Variants in FGF14 observed in about 807,000 individuals in gnomAD.
The protein encoded by FGF14 is fibroblast growth factor homologous factor 4.
Under a neutral mutation model 25.5 loss-of-function variants are expected in FGF14, and 5 were observed. That is an observed-to-expected ratio of 0.20 (90% CI 0.10 to 0.41). FGF14 has a LOEUF of 0.41. Among genes scored for constraint, FGF14 ranks in the 10% least tolerant of loss-of-function variants. FGF14 has a pLI of 1.00. For synonymous variants in FGF14, 138 were observed against 118.3 expected (o/e 1.17, Z -1.08); for missense variants, 222 against 320.1 (o/e 0.69, Z 2.34).
chr13:102,375,900 A>C (rs1566971816), intron 1 of FGF14, among the ~76,000 whole-genome samples: 1 of 152,206 alleles, frequency 6.6e-6, no homozygotes, highest in Non-Finnish European at 1.5e-5. Context: ...CTTTGAATGT[A>C]TCTTCTTGAA....
intron 1 of FGF14, among the ~76,000 whole-genome samples, chr13:102,028,085 T>C (rs1305175132): frequency 6.6e-6 from 1 of 152,034 alleles, no homozygotes; most frequent in Non-Finnish European, 1.5e-5. Context: ...CTCTGCCAAC[T>C]GTCACTGTTA....
intron 1 of FGF14, among the ~76,000 whole-genome samples, chr13:102,161,664 GAAGAA>G: frequency 6.2e-5 from 2 of 32,488 alleles, no homozygotes; most frequent in African/African-American, 2.1e-4. Flanking sequence ...AGAAGAAGAA[GAAGAA>G]GAAGAAGAAG....
intron 3 of FGF14, among the ~76,000 whole-genome samples, chr13:101,794,484 G>C (rs960863862): frequency 1.3e-5 from 2 of 152,044 alleles, no homozygotes; most frequent in Non-Finnish European, 2.9e-5. Context: ...CCTTTTTCTA[G>C]GGCCAAATCG....
At chr13:102,341,618 T>C (rs896003463) in intron 1 of FGF14, among the ~76,000 whole-genome samples, 10 of 152,160 alleles carry the variant, frequency 6.6e-5, no homozygotes, top group African/African-American at 2.2e-4. Context: ...ATTTGTATGA[T>C]TGAGAAGGCG....
chr13:102,339,127 G>A (rs1161139406), intron 1 of FGF14, among the ~76,000 whole-genome samples: 1 of 151,886 alleles, frequency 6.6e-6, no homozygotes, highest in Non-Finnish European at 1.5e-5. Context: ...TTGAGGGTGT[G>A]AACACCCCGT....
chr13:101,885,702 A>G lies in FGF14; in HGVS notation c.194-10406T>C, dbSNP rs1485512524. On this transcript the variant is annotated intron_variant, in intron 1 of 4. Coordinates refer to ENST00000376143, the MANE Select transcript of FGF14 (RefSeq NM_004115.4). ...GTAACTGATGTGGCACAGGCCTCTG[A>G]AAAAAAAAAAAAAAACTGCAGGGTC... Among the ~76,000 whole-genome samples, 59 of 114,264 alleles carry G rather than the reference A, an allele frequency of 5.2e-4. 1 individual carries two copies. The highest frequency in any genetic ancestry group is 3.9e-4 in the Non-Finnish European group (24 of 61,560). The allele number at this position is 114,264 out of a possible 152,430, so 75.0% of individuals were successfully genotyped here.
intron 1 of FGF14, among the ~76,000 whole-genome samples, chr13:101,886,891 T>C (rs981270223): frequency 1.3e-5 from 2 of 152,084 alleles, no homozygotes; most frequent in African/African-American, 4.8e-5. Context: ...AAGATCTGAA[T>C]AGACATTCTT....
intron 1 of FGF14, among the ~76,000 whole-genome samples, chr13:102,064,195 TA>T (rs937304387): frequency 2.6e-5 from 4 of 152,108 alleles, no homozygotes; most frequent in Non-Finnish European, 5.9e-5. Context: ...CCACCAGGCA[TA>T]AAACTTGGAC....
chr13:102,118,021 A>T (rs35623277), intron 1 of FGF14, among the ~76,000 whole-genome samples: 3 of 152,150 alleles, frequency 2.0e-5, no homozygotes, highest in Non-Finnish European at 4.4e-5. Flanking sequence ...AATGAATATA[A>T]CTGTATGCCA....
chr13:101,952,579 G>A (rs1229696720), intron 1 of FGF14, among the ~76,000 whole-genome samples: 2 of 152,124 alleles, frequency 1.3e-5, no homozygotes, highest in East Asian at 3.9e-4. Flanking sequence ...GTAGTTAAGG[G>A]CATCACATCA....
At chr13:102,098,547 G>T (rs2044514183) in intron 1 of FGF14, among the ~76,000 whole-genome samples, 1 of 152,188 alleles carries the variant, frequency 6.6e-6, no homozygotes, top group African/African-American at 2.4e-5. Flanking sequence ...ATACAAATAA[G>T]TTGTGCATGA....
chr13:102,090,625 T>C (rs940677994), intron 1 of FGF14, among the ~76,000 whole-genome samples: 2 of 152,244 alleles, frequency 1.3e-5, no homozygotes, highest in Non-Finnish European at 1.5e-5. Context: ...AGGGCACAGA[T>C]GGCAGTGGTC....
chr13:101,874,703 A>G (rs2045300371), intron 2 of FGF14, among the ~76,000 whole-genome samples: 1 of 152,128 alleles, frequency 6.6e-6, no homozygotes, highest in South Asian at 2.1e-4. Context: ...TTTCTATAAG[A>G]AAGTTTTTTT....
At chr13:102,105,455 A>G (rs1237622117) in intron 1 of FGF14, among the ~76,000 whole-genome samples, 1 of 152,140 alleles carries the variant, frequency 6.6e-6, no homozygotes. Flanking sequence ...ATTTGAAAAA[A>G]TGGGGGAAAA....
At chr13:101,981,873 A>C (rs1355379079) in intron 1 of FGF14, among the ~76,000 whole-genome samples, 1 of 152,222 alleles carries the variant, frequency 6.6e-6, no homozygotes, top group African/African-American at 2.4e-5. Context: ...AAGGATGAAC[A>C]GCAAGAGAGA....
chr13:101,746,667 A>G (rs761634312), intron 3 of FGF14, among the ~76,000 whole-genome samples: 2 of 152,020 alleles, frequency 1.3e-5, no homozygotes, highest in Admixed American at 6.6e-5. Context: ...GTGATGATCA[A>G]CAGTAGGTAG....
At position 101,791,276 on chromosome 13, in the gene FGF14, A is replaced by G. The variant is rs2040218540; in HGVS notation, c.409-64466T>C. On this transcript the variant is annotated intron_variant, in intron 3 of 4. Transcript: ENST00000376143. Reference sequence around the variant, plus strand: ...TAAGGTGCTGTAACCGGCATGAAATATAGGCGGCATGAATATTTTGGGGTG... The same window carrying G: ...TAAGGTGCTGTAACCGGCATGAAATGTAGGCGGCATGAATATTTTGGGGTG... Among the ~76,000 whole-genome samples, 4 of 152,108 alleles carry G rather than the reference A, an allele frequency of 2.6e-5. No homozygotes were observed. In the South Asian group the frequency reaches 8.3e-4, roughly 32 times the overall value.
chr13:101,864,178 C>G (rs1481970912), intron 3 of FGF14, among the ~76,000 whole-genome samples: 1 of 152,100 alleles, frequency 6.6e-6, no homozygotes, highest in Non-Finnish European at 1.5e-5. Flanking sequence ...TGCCAGCCCA[C>G]AGAGATGACC....
At chr13:102,113,933 G>C (rs763894931) in intron 1 of FGF14, among the ~76,000 whole-genome samples, 2 of 152,190 alleles carry the variant, frequency 1.3e-5, no homozygotes, top group African/African-American at 4.8e-5. Flanking sequence ...AGGCCACCAT[G>C]TTGGGGCTCA....
Sources: gnomAD v4.1 joint callset for allele counts (sites outside exome capture counted in the v4.1 genomes callset) on GRCh38, gnomAD v4.1.1 for gene constraint, MANE v1.5 for transcripts, NCBI Gene and HGNC (gene_info 2026-07-23, HGNC 2026-07-21) for gene names.